TGFBR3: variants seen among roughly 807,000 people sequenced by gnomAD.
TGFBR3 encodes the protein transforming growth factor beta receptor 3, also known as transforming growth factor beta receptor type 3.
Under a neutral mutation model 87.9 loss-of-function variants are expected in TGFBR3, and 46 were observed. The observed-to-expected ratio is 0.52, with a 90% CI of 0.41 to 0.67. The LOEUF is 0.67. Ranked by LOEUF, TGFBR3 falls within the 30% of genes least tolerant of loss-of-function variation. TGFBR3 has a pLI of 0.00. For synonymous variants in TGFBR3, 381 were observed against 391.6 expected (o/e 0.97, Z 0.32); for missense variants, 866 against 1,041.9 (o/e 0.83, Z 2.32).
intron 16 of TGFBR3, among the ~76,000 whole-genome samples, chr1:91,687,062 T>A (rs1671111499): frequency 1.3e-5 from 2 of 152,150 alleles, no homozygotes; most frequent in Non-Finnish European, 2.9e-5. Flanking sequence ...CCTGACATAC[T>A]CTGGAGGAGG....
intron 4 of TGFBR3, among the ~76,000 whole-genome samples, chr1:91,736,821 C>G (rs968678341): frequency 6.6e-6 from 1 of 152,170 alleles, no homozygotes; most frequent in Non-Finnish European, 1.5e-5. Flanking sequence ...AATGTTTAGA[C>G]GAGAAACCCT....
Position 91,886,022 on chromosome 1 carries a change from ACT to A in TGFBR3, c.-260_-259del, listed in dbSNP as rs1454995748. 1 of 453,632 alleles carries A rather than the reference ACT, an allele frequency of 2.2e-6. No homozygotes were observed. The highest frequency in any genetic ancestry group is 1.6e-5 in the South Asian group (1 of 64,426). 28.1% of individuals were successfully genotyped at this position (453,632 alleles called of 1,614,324 possible). A position where few individuals can be genotyped will look rare whatever the true frequency, so the allele number is the denominator to read the frequency against. On this transcript the variant is annotated 5_prime_UTR_variant, in exon 1 of 17. Coordinates refer to ENST00000212355, the MANE Select transcript of TGFBR3 (RefSeq NM_003243.5). The stretch of plus-strand genomic sequence containing the variant: ...ACTACGCCATCCGGACCCGCTGGGG[ACT>A]CTCACCTCCTGCAGGGAGCTCCGGG...
chr1:91,754,178 A>C (rs1673655704), intron 4 of TGFBR3, among the ~76,000 whole-genome samples: 1 of 151,974 alleles, frequency 6.6e-6, no homozygotes. Flanking sequence ...TTTAAATTGT[A>C]GTATGTCCTT....
chr1:91,788,369 G>A (rs1005612695), intron 3 of TGFBR3, among the ~76,000 whole-genome samples: 1 of 152,190 alleles, frequency 6.6e-6, no homozygotes, highest in Non-Finnish European at 1.5e-5. Flanking sequence ...AGGACGTACA[G>A]ATGTTCACTC....
chr1:91,751,931 T>C (rs896181832), intron 4 of TGFBR3, among the ~76,000 whole-genome samples: 7 of 152,240 alleles, frequency 4.6e-5, no homozygotes, highest in Admixed American at 4.6e-4. Flanking sequence ...GCAGTCGTAC[T>C]ATCAAAGAAT....
intron 4 of TGFBR3, among the ~76,000 whole-genome samples, chr1:91,748,769 G>A (rs1673434926): frequency 6.6e-6 from 1 of 151,602 alleles, no homozygotes; most frequent in South Asian, 2.1e-4. Flanking sequence ...CATTTACTGA[G>A]TACTTACTAA....
intron 2 of TGFBR3, among the ~76,000 whole-genome samples, chr1:91,815,005 A>G (rs1447659786): frequency 6.6e-6 from 1 of 152,178 alleles, no homozygotes; most frequent in African/African-American, 2.4e-5. Flanking sequence ...AATTTATAAA[A>G]GCAGGCATTT....
At chr1:91,724,755 A>T (rs1297179857) in intron 7 of TGFBR3, among the ~76,000 whole-genome samples, 1 of 152,130 alleles carries the variant, frequency 6.6e-6, no homozygotes, top group East Asian at 1.9e-4. Context: ...ATGCAGGTGT[A>T]CAAGGAGGTC....
At chr1:91,705,107 C>G (rs1251363836) in intron 14 of TGFBR3, among the ~76,000 whole-genome samples, 1 of 152,012 alleles carries the variant, frequency 6.6e-6, no homozygotes, top group Non-Finnish European at 1.5e-5. Flanking sequence ...AATTTTTACC[C>G]AAAAAGTCAC....
chr1:91,759,064 CAA>C (rs1235737910), intron 3 of TGFBR3, among the ~76,000 whole-genome samples: 1 of 152,096 alleles, frequency 6.6e-6, no homozygotes, highest in Admixed American at 6.5e-5. Context: ...AAAGGTGGAA[CAA>C]AAGTTACCTT....
At chr1:91,732,197 A>G (rs960919726) in intron 5 of TGFBR3, among the ~76,000 whole-genome samples, 3 of 152,208 alleles carry the variant, frequency 2.0e-5, no homozygotes, top group Non-Finnish European at 4.4e-5. Context: ...CTGCTGTGGA[A>G]ACTGAGGCTC....
chr1:91,813,988 C>A (rs1676113896), intron 2 of TGFBR3, among the ~76,000 whole-genome samples: 1 of 152,162 alleles, frequency 6.6e-6, no homozygotes. Context: ...CGAGGTGGAG[C>A]TTAGGCAGTA....
At chr1:91,826,555 C>T (rs1323899705) in intron 2 of TGFBR3, among the ~76,000 whole-genome samples, 2 of 152,100 alleles carry the variant, frequency 1.3e-5, no homozygotes, top group Non-Finnish European at 2.9e-5. Context: ...GAACCTCTCT[C>T]GCTCTTAGCT....
Position 91,712,557 on chromosome 1 carries a change from A to C in TGFBR3, c.1867-15T>G. 1 of 1,613,790 alleles carries C rather than the reference A, an allele frequency of 6.2e-7. No individual in the cohort carries two copies. Among genetic ancestry groups the C allele is most frequent in the Non-Finnish European group, 8.5e-7 (1 of 1,179,802 alleles). ...GTAACAGATACCTATGAAAGAACAG[A>C]AAGATGAATTAGGAAATGAGTTAGC... On this transcript the variant is annotated splice_polypyrimidine_tract_variant and intron_variant, in intron 12 of 16. Coordinates refer to ENST00000212355, the MANE Select transcript of TGFBR3 (RefSeq NM_003243.5).
chr1:91,854,870 T>C (rs1285144943), intron 2 of TGFBR3, among the ~76,000 whole-genome samples: 1 of 152,258 alleles, frequency 6.6e-6, no homozygotes, highest in African/African-American at 2.4e-5. Flanking sequence ...CTCTAAGCCC[T>C]ATTATTCTCA....
intron 2 of TGFBR3, among the ~76,000 whole-genome samples, chr1:91,798,630 G>A (rs191296801): frequency 1.2e-3 from 180 of 152,286 alleles, no homozygotes; most frequent in African/African-American, 4.0e-3. Flanking sequence ...GCATTTACAT[G>A]ATAGCCACTG....
chr1:91,817,789 T>C (rs749622219), intron 2 of TGFBR3, among the ~76,000 whole-genome samples: 1 of 152,020 alleles, frequency 6.6e-6, no homozygotes, highest in Non-Finnish European at 1.5e-5. Context: ...CAGCTCAACC[T>C]TGACTTGGTG....
At chr1:91,804,028 AACAG>A (rs1327787003) in intron 2 of TGFBR3, among the ~76,000 whole-genome samples, 2 of 152,188 alleles carry the variant, frequency 1.3e-5, no homozygotes, top group East Asian at 3.9e-4. Context: ...TCTGGCACAA[AACAG>A]ACACTCAATT....
Position 91,712,374 on chromosome 1 carries a change from GGATAGGAA to G in TGFBR3, c.2027_2034del (p.Phe676SerfsTer4). On this transcript the variant is annotated frameshift_variant, in exon 13 of 17. Transcript: ENST00000212355. LOFTEE classifies it high-confidence loss of function. ...CGCTTCTTATCCATGTCAGCTTGCGGGATAGGAAAGTGCACTCTCTTGGGACTGTAGAA... is the reference window on the plus strand; with the variant it reads ...CGCTTCTTATCCATGTCAGCTTGCGGAGTGCACTCTCTTGGGACTGTAGAA... 1 of 1,614,186 alleles carries G rather than the reference GGATAGGAA, an allele frequency of 6.2e-7. No homozygotes were observed.
Sources: allele counts gnomAD v4.1 joint callset (sites outside exome capture counted in the v4.1 genomes callset), GRCh38; gene constraint gnomAD v4.1.1; transcripts MANE v1.5; gene names NCBI Gene and HGNC (gene_info 2026-07-23, HGNC 2026-07-21).